The following GDA variants were observed in gnomAD, a reference collection of about 807,000 sequenced individuals.
GDA encodes the protein guanine deaminase.
GDA carries 18 observed loss-of-function variants against 59.6 expected under a neutral mutation model. That is an observed-to-expected ratio of 0.30 (90% confidence interval 0.21 to 0.45). The LOEUF (loss-of-function observed/expected upper bound fraction) is 0.45, where lower values mean the gene tolerates loss of function less well. GDA is among the 20% of genes least tolerant of loss of function. The pLI, the probability that GDA is intolerant of heterozygous loss-of-function variation, is 1.00. For missense variants in GDA, 427 were observed against 552.3 expected (o/e 0.77, Z 2.27); for synonymous variants, 201 against 201.1 (o/e 1.00, Z 0.00).
chr9:72,199,697 T>C (rs1336010277), intron 2 of GDA, among the ~76,000 whole-genome samples: 1 of 152,184 alleles, frequency 6.6e-6, no homozygotes, highest in Non-Finnish European at 1.5e-5. Flanking sequence ...ATTGGGGGTC[T>C]TAGGATTATT....
downstream of GDA, among the ~76,000 whole-genome samples, chr9:72,252,788 G>A (rs573244832): frequency 6.6e-6 from 1 of 152,154 alleles, no homozygotes; most frequent in African/African-American, 2.4e-5. Flanking sequence ...TGCCTTGCTG[G>A]GTGGCAGATA....
intron 1 of GDA, among the ~76,000 whole-genome samples, chr9:72,122,536 T>C (rs1340085667): frequency 6.6e-6 from 1 of 152,148 alleles, no homozygotes; most frequent in Non-Finnish European, 1.5e-5. Context: ...AGTTAACGTA[T>C]GTAATGGAAC....
chr9:72,223,277 T>G (rs1837135216), intron 7 of GDA, 50 bp downstream of exon 7: 1 of 952,794 alleles, frequency 1.0e-6, no homozygotes, highest in Non-Finnish European at 1.7e-6. Flanking sequence ...GCAAGATTTC[T>G]CAGCACCCTT....
chr9:72,149,369 T>G, upstream of GDA: 2 of 568,112 alleles, frequency 3.5e-6, no homozygotes, highest in East Asian at 3.4e-5. Context: ...CCTATTGGCA[T>G]TGAGGAGGTA....
chr9:72,238,061 T>C (rs1839215647), intron 10 of GDA, among the ~76,000 whole-genome samples: 1 of 152,206 alleles, frequency 6.6e-6, no homozygotes. Context: ...ATTTTGAGTG[T>C]GTAAGGCTCA....
chr9:72,118,280 A>G (rs991822477), intron 1 of GDA, among the ~76,000 whole-genome samples: 4 of 147,114 alleles, frequency 2.7e-5, no homozygotes, highest in African/African-American at 1.0e-4. Flanking sequence ...CCTCAAAAAA[A>G]AAAAAAAAAA....
intron 10 of GDA, among the ~76,000 whole-genome samples, chr9:72,233,284 T>A (rs1285412743): frequency 6.6e-6 from 1 of 152,088 alleles, no homozygotes; most frequent in African/African-American, 2.4e-5. Context: ...TTAACAGAAA[T>A]ATAGCAAAAC....
At chr9:72,178,254 C>T (rs140410707) in intron 1 of GDA, among the ~76,000 whole-genome samples, 136 of 152,146 alleles carry the variant, frequency 8.9e-4, no homozygotes, top group Non-Finnish European at 1.6e-3. Context: ...TATTCAATTA[C>T]TCACAGTTAA....
intron 1 of GDA, among the ~76,000 whole-genome samples, chr9:72,118,099 C>T (rs551498709): frequency 2.0e-5 from 3 of 151,706 alleles, no homozygotes; most frequent in African/African-American, 2.4e-5. Flanking sequence ...GGTGAAACCC[C>T]GTCTCCACTA....
chr9:72,235,781 T>C (rs1188698604), intron 10 of GDA, among the ~76,000 whole-genome samples: 3 of 151,938 alleles, frequency 2.0e-5, no homozygotes, highest in Admixed American at 6.5e-5. Flanking sequence ...AGATAACTAC[T>C]TGAAGAATTT....
At chr9:72,191,318 G>A (rs1028330170) in intron 1 of GDA, among the ~76,000 whole-genome samples, 22 of 152,178 alleles carry the variant, frequency 1.4e-4, no homozygotes, top group African/African-American at 5.3e-4. Flanking sequence ...AAAAGGGAAA[G>A]TGGGACTCAG....
At chr9:72,252,352 C>T (rs564751026), downstream of GDA, 1 of 152,348 alleles carries the variant, frequency 6.6e-6, no homozygotes, top group African/African-American at 2.4e-5. Context: ...GAATACTCAG[C>T]TGTGAGCCAA....
Position 72,231,186 on chromosome 9 carries a change from G to A in GDA, c.988+5G>A. ...TCAAGATAGGGCTGGGTACAGGTTA[G>A]TAGTTCACCATTTGGAGCTATGGCA... On this transcript the variant is annotated splice_donor_5th_base_variant and intron_variant, in intron 10 of 13. Coordinates refer to ENST00000358399, the MANE Select transcript of GDA (RefSeq NM_004293.5). The A allele has an allele frequency of 6.6e-7, 1 of 1,504,592 alleles. No homozygotes were observed. The highest frequency in any genetic ancestry group is 1.1e-5 in the South Asian group (1 of 88,692). 93.2% of individuals were successfully genotyped at this position (1,504,592 alleles called of 1,614,324 possible).
At chr9:72,193,094 A>T (rs7867133) in intron 1 of GDA, among the ~76,000 whole-genome samples, 1 of 151,890 alleles carries the variant, frequency 6.6e-6, no homozygotes, top group Non-Finnish European at 1.5e-5. Context: ...TTTCTGAAAG[A>T]TTACATATCT....
chr9:72,237,793 G>T (rs1165387040), intron 10 of GDA, among the ~76,000 whole-genome samples: 1 of 151,870 alleles, frequency 6.6e-6, no homozygotes, highest in African/African-American at 2.4e-5. Flanking sequence ...TTATCTTTGG[G>T]ACCTTCTTCT....
chr9:72,248,422 C>A lies in GDA; in HGVS notation c.*80C>A, dbSNP rs1191823308. 6 of 1,595,090 alleles carry A rather than the reference C, an allele frequency of 3.8e-6. No homozygotes were observed. Among genetic ancestry groups the A allele is most frequent in the African/African-American group, 2.7e-5 (2 of 73,616 alleles). ...TTGTGCCCAGGTGGAGTTAGAAAGT[C>A]AAAAAATAGTACCTTGTTCTTGGGA... is the stretch of plus-strand genomic sequence containing the variant. On this transcript the variant is annotated 3_prime_UTR_variant, in exon 14 of 14. Transcript: ENST00000358399.
intron 1 of GDA, among the ~76,000 whole-genome samples, chr9:72,135,717 A>G (rs1219448707): frequency 1.3e-5 from 2 of 151,998 alleles, no homozygotes; most frequent in African/African-American, 4.8e-5. Flanking sequence ...TCAGGAGGTC[A>G]GGAGATCAAG....
chr9:72,173,561 C>A (rs1830225099), intron 1 of GDA, among the ~76,000 whole-genome samples: 1 of 151,988 alleles, frequency 6.6e-6, no homozygotes, highest in African/African-American at 2.4e-5. Flanking sequence ...AAACTCCTGA[C>A]CTCAAGTGAT....
intron 1 of GDA, among the ~76,000 whole-genome samples, chr9:72,162,475 AG>A (rs1032579546): frequency 2.0e-5 from 3 of 151,964 alleles, no homozygotes; most frequent in Admixed American, 1.3e-4. Context: ...AGGCAGAGAG[AG>A]GGAGGGGAAA....
Sources: gnomAD v4.1 joint callset for allele counts (sites outside exome capture counted in the v4.1 genomes callset) on GRCh38, gnomAD v4.1.1 for gene constraint, MANE v1.5 for transcripts, NCBI Gene and HGNC (gene_info 2026-07-23, HGNC 2026-07-21) for gene names.